NFIX: variants seen among roughly 807,000 people sequenced by gnomAD.
NFIX encodes nuclear factor I X.
NFIX carries 2 observed loss-of-function variants against 53.3 expected under a neutral mutation model. That is an observed-to-expected ratio of 0.04 (90% CI 0.02 to 0.12). The LOEUF (loss-of-function observed/expected upper bound fraction) is 0.12, where lower values mean the gene tolerates loss of function less well. Ranked by LOEUF, NFIX falls within the 10% of genes least tolerant of loss-of-function variation. NFIX has a pLI of 1.00. For missense variants in NFIX, 310 were observed against 674.5 expected, an observed-to-expected ratio of 0.46 and a Z score of 5.99; for synonymous variants, 244 against 289.0, an observed-to-expected ratio of 0.84 and a Z score of 1.58.
At chr19:13,010,843 G>A (rs908141141) in intron 1 of NFIX, among the ~76,000 whole-genome samples, 1 of 152,208 alleles carries the variant, frequency 6.6e-6, no homozygotes, top group African/African-American at 2.4e-5. Context: ...GAGCCGGCAG[G>A]GAAGGGAGGC....
chr19:13,047,928 A>G (rs2015091310), intron 2 of NFIX, among the ~76,000 whole-genome samples: 1 of 152,146 alleles, frequency 6.6e-6, no homozygotes, highest in South Asian at 2.1e-4. Flanking sequence ...CGATGAAGGT[A>G]AAGGCTGATT....
Position 13,006,720 on chromosome 19 carries a change from G to C in NFIX, c.27+10856G>C, listed in dbSNP as rs1358334025. On this transcript the variant is annotated intron_variant, in intron 1 of 10. Transcript: ENST00000592199. The surrounding 1 kb of genome is among the most constrained non-coding windows in gnomAD (Gnocchi z 5.6). ...TTGGGGGTATCAGGCTTTGTCTGTTGGGTTCCCCAACTCCCACCAGGGCCC... is the reference window on the plus strand; with the variant it reads ...TTGGGGGTATCAGGCTTTGTCTGTTCGGTTCCCCAACTCCCACCAGGGCCC... Among the ~76,000 whole-genome samples the C allele has an allele frequency of 3.8e-4, 58 of 152,164 alleles. No homozygotes were observed. The highest frequency in any genetic ancestry group is 3.8e-3 in the Admixed American group (58 of 15,288).
chr19:13,063,482 G>GT (rs59453057), intron 2 of NFIX, among the ~76,000 whole-genome samples: 176 of 148,028 alleles, frequency 1.2e-3, no homozygotes, highest in South Asian at 4.7e-3. Context: ...TCCTCTTTCT[G>GT]TTTTTTTTTT....
chr19:13,054,267 G>A (rs1395459043), intron 2 of NFIX, among the ~76,000 whole-genome samples: 1 of 152,246 alleles, frequency 6.6e-6, no homozygotes, highest in Non-Finnish European at 1.5e-5. Flanking sequence ...ACTTTGGTGG[G>A]TTTCGCCGAG....
At chr19:13,087,060 C>T (rs1255559799) in intron 8 of NFIX, among the ~76,000 whole-genome samples, 1 of 152,216 alleles carries the variant, frequency 6.6e-6, no homozygotes, top group Non-Finnish European at 1.5e-5. Context: ...CAGTGGTCAT[C>T]AGGGTCCTGT....
rs1025812322 is a variant in NFIX, at chr19:13,088,220, C to G, written c.1402+84C>G. The G allele has an allele frequency of 6.8e-7, 1 of 1,469,716 alleles. No individual in the cohort carries two copies. The highest frequency in any genetic ancestry group is 2.5e-5 in the East Asian group (1 of 40,340). The allele number at this position is 1,469,716 out of a possible 1,614,324, so 91.0% of individuals were successfully genotyped here. A position where few individuals can be genotyped will look rare whatever the true frequency, so the allele number is the denominator to read the frequency against. On this transcript the variant is annotated intron_variant, in intron 9 of 10. Coordinates refer to ENST00000592199, the MANE Select transcript of NFIX (RefSeq NM_001365902.3). The surrounding 1 kb of genome is among the most constrained non-coding windows in gnomAD (Gnocchi z 5.9). ...TCTCCACTGCAAAAAGAAAAGCCTT[C>G]CCCCTCCCCACCACCAAAGCCCCCC... is the stretch of plus-strand genomic sequence containing the variant.
chr19:13,023,576 G>A (rs894189778), intron 1 of NFIX, among the ~76,000 whole-genome samples: 1 of 150,498 alleles, frequency 6.6e-6, no homozygotes, highest in South Asian at 2.1e-4. Flanking sequence ...TGCGTTGTTG[G>A]TTGTGGGGAG....
intron 2 of NFIX, chr19:13,070,998 G>A (rs1055583013): frequency 6.6e-6 from 1 of 152,406 alleles, no homozygotes; most frequent in East Asian, 1.9e-4. Context: ...TTTCGCAGTG[G>A]GTAGGGGCCG....
At position 13,090,810 on chromosome 19, in the gene NFIX, C is replaced by T. The variant is rs143667003; in HGVS notation, c.1494+420C>T. On this transcript the variant is annotated intron_variant, in intron 10 of 10. Coordinates refer to ENST00000592199, the MANE Select transcript of NFIX (RefSeq NM_001365902.3). The surrounding 1 kb of genome is among the most constrained non-coding windows in gnomAD (Gnocchi z 6.6). Reference sequence around the variant, plus strand: ...CCCTGGCGTTGGGTGGGCTGGGTGACGGGTGGAGGAGGGACAGAGGGCCTG... The same window carrying T: ...CCCTGGCGTTGGGTGGGCTGGGTGATGGGTGGAGGAGGGACAGAGGGCCTG... 0.022 allele frequency among the ~76,000 whole-genome samples: 3,295 copies of T among 152,206 alleles called. 111 individuals carry two copies. The highest frequency in any genetic ancestry group is 0.074 in the African/African-American group (3,087 of 41,530).
Position 12,995,816 on chromosome 19 carries a change from G to A in NFIX, c.-22G>A. 2 of 987,446 alleles carry A rather than the reference G, an allele frequency of 2.0e-6. No individual in the cohort carries two copies. Among genetic ancestry groups the A allele is most frequent in the Non-Finnish European group, 2.4e-6 (2 of 833,664 alleles). The allele number at this position is 987,446 out of a possible 1,614,324, so 61.2% of individuals were successfully genotyped here. A position where few individuals can be genotyped will look rare whatever the true frequency, so the allele number is the denominator to read the frequency against. The stretch of plus-strand genomic sequence containing the variant: ...TCCCCTCGCCGCGGCCGGCCGCCGC[G>A]CTCCCGCCCGGGCGCCCAGCTATGT... On this transcript the variant is annotated 5_prime_UTR_variant, in exon 1 of 11. Transcript: ENST00000592199.
rs956357171 is a variant in NFIX, at chr19:13,052,114, C to T, written c.560-20933C>T. 1.3e-5 allele frequency among the ~76,000 whole-genome samples: 2 copies of T among 152,172 alleles called. No individual in the cohort carries two copies. The highest frequency in any genetic ancestry group is 4.8e-5 in the African/African-American group (2 of 41,438). ...TCCAGGTGGTGCCCGGGTTGATATG[C>T]AGCTGCCTGCCCTTGCACCTCTGGG... On this transcript the variant is annotated intron_variant, in intron 2 of 10. Transcript: ENST00000592199. The surrounding 1 kb of genome is among the most constrained non-coding windows in gnomAD (Gnocchi z 5.2).
intron 2 of NFIX, among the ~76,000 whole-genome samples, chr19:13,033,474 C>G (rs1045800218): frequency 1.6e-4 from 25 of 152,184 alleles, no homozygotes; most frequent in Admixed American, 1.6e-3. Context: ...TCTCTCACTC[C>G]TGATGCCTTA....
chr19:13,091,468 A>C (rs1370850798), intron 10 of NFIX, among the ~76,000 whole-genome samples: 1 of 151,096 alleles, frequency 6.6e-6, no homozygotes, highest in Non-Finnish European at 1.5e-5. Context: ...CCTAGTGGCA[A>C]GGAGGGGAGG....
At chr19:13,085,844 T>G (rs1229980736) in intron 8 of NFIX, among the ~76,000 whole-genome samples, 1 of 152,208 alleles carries the variant, frequency 6.6e-6, no homozygotes, top group East Asian at 1.9e-4. Context: ...GACTTTAAAG[T>G]GCAGCAGGAA....
Position 13,043,524 on chromosome 19 carries a change from G to A in NFIX, c.559+17972G>A, listed in dbSNP as rs780040989. ...GCTGCTGACACCTGAGGCCAGCTGCGCAGTCTGCCACAAGGCCCCTGGGGC... is the reference window on the plus strand; with the variant it reads ...GCTGCTGACACCTGAGGCCAGCTGCACAGTCTGCCACAAGGCCCCTGGGGC... On this transcript the variant is annotated intron_variant, in intron 2 of 10. Transcript: ENST00000592199. The surrounding 1 kb of genome is among the most constrained non-coding windows in gnomAD (Gnocchi z 4.0). Among the ~76,000 whole-genome samples the A allele has an allele frequency of 7.2e-5, 11 of 152,204 alleles. No individual in the cohort carries two copies. Among genetic ancestry groups the A allele is most frequent in the African/African-American group, 2.4e-4 (10 of 41,456 alleles).
intron 2 of NFIX, among the ~76,000 whole-genome samples, chr19:13,058,411 G>A (rs1161529971): frequency 6.6e-6 from 1 of 152,012 alleles, no homozygotes; most frequent in Non-Finnish European, 1.5e-5. Context: ...AGCACTAGGA[G>A]GCCCAGACCA....
chr19:13,080,110 C>G (rs551934890), intron 7 of NFIX, among the ~76,000 whole-genome samples: 4 of 152,194 alleles, frequency 2.6e-5, no homozygotes, highest in Non-Finnish European at 5.9e-5. Flanking sequence ...TAAGGCAGGG[C>G]TAGTGAGGCA....
rs1054821028 is a variant in NFIX at position 13,089,974 on chromosome 19, C to T, written c.1403-325C>T. On this transcript the variant is annotated intron_variant, in intron 9 of 10. Transcript: ENST00000592199. The surrounding 1 kb of genome is among the most constrained non-coding windows in gnomAD (Gnocchi z 4.8). ...GTGGAACTGGGTCCAGGAGACTTGT[C>T]TCAGCCTCCAGGGCCTCTCCCTCAT... is the stretch of plus-strand genomic sequence containing the variant. Among the ~76,000 whole-genome samples, 3 of 152,194 alleles carry T rather than the reference C, an allele frequency of 2.0e-5. No homozygotes were observed. The highest frequency in any genetic ancestry group is 4.8e-5 in the African/African-American group (2 of 41,446).
At chr19:13,031,662 G>A (rs1013543205) in intron 2 of NFIX, among the ~76,000 whole-genome samples, 1 of 152,156 alleles carries the variant, frequency 6.6e-6, no homozygotes, top group Non-Finnish European at 1.5e-5. Context: ...AGGCGTAGGC[G>A]TGAACCTGCA....
Sources: gnomAD v4.1 joint callset for allele counts (sites outside exome capture counted in the v4.1 genomes callset) on GRCh38, gnomAD v4.1.1 for gene constraint, Gnocchi (gnomAD v3.1) non-coding constraint, MANE v1.5 for transcripts, NCBI Gene and HGNC (gene_info 2026-07-23, HGNC 2026-07-21) for gene names.